SERPINI1: variants seen among roughly 807,000 people sequenced by gnomAD.
The protein encoded by SERPINI1 is serpin family I member 1, also known as neuroserpin.
Under a neutral mutation model 41.1 loss-of-function variants are expected in SERPINI1, and 19 were observed. That is an observed-to-expected ratio of 0.46 (90% CI 0.32 to 0.68). The LOEUF (loss-of-function observed/expected upper bound fraction) is 0.68. Ranked by LOEUF, SERPINI1 falls within the 30% of genes least tolerant of loss-of-function variation. The probability of loss-of-function intolerance (pLI) is 0.03; values close to 1 mark genes in which losing one functional copy is unlikely to be tolerated. For synonymous variants in SERPINI1, 138 were observed against 156.6 expected (o/e 0.88, Z 0.89); for missense variants, 460 against 479.2 (o/e 0.96, Z 0.37).
Position 167,753,382 on chromosome 3 carries a change from G to C in SERPINI1, c.-19+17559G>C, listed in dbSNP as rs570121794. On this transcript the variant is annotated intron_variant, in intron 1 of 8. Coordinates refer to ENST00000446050, the MANE Select transcript of SERPINI1 (RefSeq NM_001122752.2). ...TAAATATTTGTTGAGTAAATGAACT[G>C]TTTCCTCTTTCACAAAGTTCCTTTC... 1.6e-4 allele frequency among the ~76,000 whole-genome samples: 24 copies of C among 152,272 alleles called. No homozygotes were observed. The South Asian group carries it at 4.8e-3, about 30-fold the overall frequency.
At chr3:167,741,053 C>T (rs1725662675) in intron 1 of SERPINI1, among the ~76,000 whole-genome samples, 1 of 152,076 alleles carries the variant, frequency 6.6e-6, no homozygotes, top group African/African-American at 2.4e-5. Flanking sequence ...ATCTCTGAGC[C>T]ATCATGAAGA....
rs1011174866 is a variant in SERPINI1, at chr3:167,761,653, T to C, written c.-19+25830T>C. 1.6e-4 allele frequency among the ~76,000 whole-genome samples: 25 copies of C among 152,330 alleles called. No individual in the cohort carries two copies. The East Asian group carries it at 3.9e-3, about 23-fold the overall frequency. ...CTCAATAATGTCTTCTTCAAACTTA[T>C]ATTGCATTGATTACATCTGGCAGCC... On this transcript the variant is annotated intron_variant, in intron 1 of 8. Coordinates refer to ENST00000446050, the MANE Select transcript of SERPINI1 (RefSeq NM_001122752.2).
intron 1 of SERPINI1, among the ~76,000 whole-genome samples, chr3:167,741,232 G>A (rs1037340771): frequency 6.6e-5 from 10 of 152,092 alleles, no homozygotes; most frequent in African/African-American, 2.2e-4. Flanking sequence ...CTCTTAATGT[G>A]GGAAGGAAAA....
intron 6 of SERPINI1, among the ~76,000 whole-genome samples, chr3:167,815,891 C>T (rs1056105740): frequency 1.4e-5 from 2 of 145,690 alleles, no homozygotes; most frequent in Non-Finnish European, 3.1e-5. Context: ...TGCTGGATCC[C>T]ATTCTCCTTA....
Position 167,793,596 on chromosome 3 carries a change from A to ATTTTTT in SERPINI1, c.676+817_676+818insTTTTTT, listed in dbSNP as rs141371005. ...TACAAATATATATATATATATATAT[A>ATTTTTT]TTTTTAATTAGCTAGGCATAATGGT... On this transcript the variant is annotated intron_variant, in intron 4 of 8. Transcript: ENST00000446050. 7.8e-4 allele frequency among the ~76,000 whole-genome samples: 109 copies of ATTTTTT among 140,614 alleles called. 1 individual carries two copies. The highest frequency in any genetic ancestry group is 3.3e-3 in the South Asian group (15 of 4,578). 92.2% of individuals were successfully genotyped at this position (140,614 alleles called of 152,430 possible). A position where few individuals can be genotyped will look rare whatever the true frequency, so the allele number is the denominator to read the frequency against.
intron 1 of SERPINI1, among the ~76,000 whole-genome samples, chr3:167,750,690 T>G (rs1337295279): frequency 4.0e-5 from 6 of 151,614 alleles, no homozygotes; most frequent in African/African-American, 1.2e-4. Flanking sequence ...ACTATCATAA[T>G]TCTCATTTCA....
intron 4 of SERPINI1, among the ~76,000 whole-genome samples, chr3:167,794,187 A>T (rs908748679): frequency 1.1e-4 from 17 of 150,182 alleles, no homozygotes; most frequent in African/African-American, 3.7e-4. Flanking sequence ...AGATATATTG[A>T]ATTATCTCAT....
chr3:167,786,406 G>T (rs535524371), intron 1 of SERPINI1, among the ~76,000 whole-genome samples: 1 of 151,842 alleles, frequency 6.6e-6, no homozygotes, highest in African/African-American at 2.4e-5. Context: ...TACTTGGGAG[G>T]CTGAGGCAGG....
chr3:167,761,226 A>G (rs1726372077), intron 1 of SERPINI1, among the ~76,000 whole-genome samples: 1 of 152,228 alleles, frequency 6.6e-6, no homozygotes, highest in Non-Finnish European at 1.5e-5. Context: ...TGAAGAACCC[A>G]AATAAAAAGA....
intron 1 of SERPINI1, among the ~76,000 whole-genome samples, chr3:167,780,876 A>T (rs1019358193): frequency 3.3e-5 from 5 of 152,182 alleles, no homozygotes; most frequent in South Asian, 2.1e-4. Context: ...GCGAACAAGG[A>T]TAAACAAATA....
chr3:167,793,596 A>ATATATATATATATATATTTTTTTT, intron 4 of SERPINI1, among the ~76,000 whole-genome samples: 86 of 140,582 alleles, frequency 6.1e-4, no homozygotes, highest in African/African-American at 2.3e-3. Context: ...ATATATATAT[A>ATATATATATATATATATTTTTTTT]TTTTTAATTA....
intron 1 of SERPINI1, among the ~76,000 whole-genome samples, chr3:167,767,416 A>G (rs1305863996): frequency 6.6e-6 from 1 of 152,152 alleles, no homozygotes; most frequent in Non-Finnish European, 1.5e-5. Flanking sequence ...GTACATGGAG[A>G]TTAATGTTGT....
Position 167,749,044 on chromosome 3 carries a change from T to C in SERPINI1, c.-19+13221T>C, listed in dbSNP as rs563294528. ...GAGCTGAAAACGTAAAGCATTTAAA[T>C]CTTTACAAGGATTATATTTATGTAC... On this transcript the variant is annotated intron_variant, in intron 1 of 8. Transcript: ENST00000446050. Among the ~76,000 whole-genome samples, 6 of 152,308 alleles carry C rather than the reference T, an allele frequency of 3.9e-5. No individual in the cohort carries two copies. The East Asian group carries it at 1.2e-3, about 29-fold the overall frequency.
At chr3:167,784,355 C>A (rs993235672) in intron 1 of SERPINI1, among the ~76,000 whole-genome samples, 3 of 152,252 alleles carry the variant, frequency 2.0e-5, no homozygotes, top group Non-Finnish European at 2.9e-5. Context: ...TCCTTGAGGA[C>A]AAGAGCCTGT....
chr3:167,786,371 T>A (rs1211191941), intron 1 of SERPINI1, among the ~76,000 whole-genome samples: 2 of 151,522 alleles, frequency 1.3e-5, no homozygotes, highest in Admixed American at 1.3e-4. Flanking sequence ...AGCCGGGCGT[T>A]GTGGCAGGCG....
intron 6 of SERPINI1, among the ~76,000 whole-genome samples, chr3:167,818,296 G>A (rs1712189698): frequency 6.6e-6 from 1 of 152,004 alleles, no homozygotes; most frequent in Admixed American, 6.6e-5. Context: ...CCAAAGTGCT[G>A]GGATTACAGG....
intron 1 of SERPINI1, among the ~76,000 whole-genome samples, chr3:167,775,968 C>T (rs957530740): frequency 2.6e-5 from 4 of 151,400 alleles, no homozygotes; most frequent in Middle Eastern, 3.4e-3. Flanking sequence ...CAAAAAAAAG[C>T]GAAAAAAAAA....
Position 167,794,347 on chromosome 3 carries a change from G to A in SERPINI1, c.677-273G>A, listed in dbSNP as rs991448319. Among the ~76,000 whole-genome samples the A allele has an allele frequency of 3.3e-5, 5 of 151,892 alleles. 1 individual carries two copies. Among genetic ancestry groups the A allele is most frequent in the African/African-American group, 1.2e-4 (5 of 41,398 alleles). Reference sequence around the variant, plus strand: ...TAAACCTGCTTTTTATCAGATGCTTGAATTTCTTTATATTCTATATACTAT... The same window carrying A: ...TAAACCTGCTTTTTATCAGATGCTTAAATTTCTTTATATTCTATATACTAT... On this transcript the variant is annotated intron_variant, in intron 4 of 8. Transcript: ENST00000446050.
intron 5 of SERPINI1, among the ~76,000 whole-genome samples, chr3:167,798,247 G>A (rs143159811): frequency 3.7e-4 from 57 of 152,128 alleles, no homozygotes; most frequent in African/African-American, 1.3e-3. Flanking sequence ...AAATAGTTTG[G>A]CTGTCTTGCT....
Sources: gnomAD v4.1 joint callset for allele counts (sites outside exome capture counted in the v4.1 genomes callset) on GRCh38, gnomAD v4.1.1 for gene constraint, MANE v1.5 for transcripts, NCBI Gene and HGNC (gene_info 2026-07-23, HGNC 2026-07-21) for gene names.